MCPH1: variants seen among roughly 807,000 people sequenced by gnomAD.
MCPH1 encodes microcephalin 1.
In MCPH1, 104 loss-of-function variants were observed where a neutral mutation model predicts 84.5. The observed-to-expected ratio is 1.23, with a 90% CI of 1.05 to 1.45. MCPH1 has a LOEUF of 1.45. MCPH1 is among the 40% of genes most tolerant of loss of function. MCPH1 has a pLI of 0.00. For synonymous variants in MCPH1, 514 were observed against 366.8 expected (o/e 1.40, Z -4.58); for missense variants, 1,498 against 1,005.7 (o/e 1.49, Z -6.62).
At chr8:6,477,737 C>G (rs1322620986) in intron 10 of MCPH1, 106 bp downstream of exon 10, 4 of 845,478 alleles carry the variant, frequency 4.7e-6, no homozygotes, top group South Asian at 4.3e-5. Flanking sequence ...TCCTGTATCA[C>G]TTTTACTTTA....
chr8:6,408,306 T>A (rs1798028322), intron 1 of MCPH1, among the ~76,000 whole-genome samples: 1 of 152,050 alleles, frequency 6.6e-6, no homozygotes, highest in Non-Finnish European at 1.5e-5. Flanking sequence ...ACATAATAGC[T>A]CAAGCAATTC....
At chr8:6,515,908 C>T (rs1816178763) in intron 12 of MCPH1, among the ~76,000 whole-genome samples, 1 of 152,172 alleles carries the variant, frequency 6.6e-6, no homozygotes, top group South Asian at 2.1e-4. Context: ...TATTCCTGTT[C>T]TTTCATTTCC....
At chr8:6,624,992 C>T (rs1189475909) in intron 13 of MCPH1, 1 of 547,206 alleles carries the variant, frequency 1.8e-6, no homozygotes, top group Non-Finnish European at 2.3e-6. Context: ...TCTTCTGCCT[C>T]AGCCTTCCCA....
At chr8:6,482,921 G>A (rs904467774) in intron 11 of MCPH1, among the ~76,000 whole-genome samples, 1 of 152,192 alleles carries the variant, frequency 6.6e-6, no homozygotes, top group South Asian at 2.1e-4. Context: ...TGAGGTACAA[G>A]GCAATCAGAC....
chr8:6,514,144 T>C (rs571904227), intron 12 of MCPH1, among the ~76,000 whole-genome samples: 1 of 152,266 alleles, frequency 6.6e-6, no homozygotes, highest in East Asian at 1.9e-4. Flanking sequence ...CATTAAACAG[T>C]CGGCTTACCA....
intron 13 of MCPH1, chr8:6,625,942 C>T (rs1333677754): frequency 1.0e-6 from 1 of 977,656 alleles, no homozygotes; most frequent in Non-Finnish European, 1.2e-6. Context: ...CTTTTCCTTT[C>T]TTTATTATTA....
At chr8:6,633,867 C>A (rs886594671) in intron 13 of MCPH1, among the ~76,000 whole-genome samples, 1 of 152,182 alleles carries the variant, frequency 6.6e-6, no homozygotes, top group Non-Finnish European at 1.5e-5. Flanking sequence ...GCAGATCCCC[C>A]TATGTGTAAC....
Position 6,456,278 on chromosome 8 carries a change from C to T in MCPH1, c.1935+1026C>T, listed in dbSNP as rs17076971. On this transcript the variant is annotated intron_variant, in intron 9 of 13. Transcript: ENST00000344683. ...TTGTGGCGTGGGCAACACCAAGGCA[C>T]CTGCTCTACAATGGCGTTGCGCACT... Among the ~76,000 whole-genome samples, 1,190 of 152,264 alleles carry T rather than the reference C, an allele frequency of 7.8e-3. 19 individuals are homozygous for T. Among genetic ancestry groups the T allele is most frequent in the African/African-American group, 0.027 (1,109 of 41,540 alleles).
At chr8:6,406,876 G>A (rs545191199) in intron 1 of MCPH1, among the ~76,000 whole-genome samples, 187 bp downstream of exon 1, 1 of 5,732 alleles carries the variant, frequency 1.7e-4, no homozygotes, top group African/African-American at 4.1e-4. Context: ...CCCTGCTCCT[G>A]CTCTCTCCCC....
chr8:6,490,403 G>T (rs1031445068), intron 11 of MCPH1, among the ~76,000 whole-genome samples: 7 of 152,122 alleles, frequency 4.6e-5, no homozygotes, highest in African/African-American at 1.7e-4. Context: ...TGGGGACATT[G>T]TTAACAATCT....
intron 11 of MCPH1, among the ~76,000 whole-genome samples, chr8:6,497,959 A>G (rs1005031548): frequency 1.3e-4 from 20 of 152,272 alleles, no homozygotes; most frequent in African/African-American, 3.9e-4. Context: ...AGAACTCTCA[A>G]TGCTCTCACT....
chr8:6,480,871 G>C lies in MCPH1; in HGVS notation c.2131G>C (p.Asp711His). 1.9e-6 allele frequency: 3 copies of C among 1,614,016 alleles called. No individual in the cohort carries two copies. The highest frequency in any genetic ancestry group is 2.5e-6 in the Non-Finnish European group (3 of 1,180,040). The change falls in exon 11 of 14, where the codon GAT becomes CAT. Residue 711 changes from aspartate to histidine, a missense_variant. Asp to His is a moderately conservative substitution (Grantham distance 81). Coordinates refer to ENST00000344683, the MANE Select transcript of MCPH1 (RefSeq NM_024596.5). ...GCGTGGCTGCTGGGTTCTCTCTTAT[G>C]ATTGGGTAAGCCCTGTGTGTGAACT... ...IARGCWVLSY[D>H]WVLWSLELGH... is the part of the protein sequence containing the mutation.
chr8:6,520,850 T>A lies in MCPH1; in HGVS notation c.2214+20921T>A, dbSNP rs766958139. ...AATGGCCATCCCATGGGTCTGATAT[T>A]ATTTTTCCCATGTAAAACCTAAATA... On this transcript the variant is annotated intron_variant, in intron 12 of 13. Coordinates refer to ENST00000344683, the MANE Select transcript of MCPH1 (RefSeq NM_024596.5). 3.9e-5 allele frequency among the ~76,000 whole-genome samples: 6 copies of A among 152,222 alleles called. No individual in the cohort carries two copies. In the South Asian group the frequency reaches 1.2e-3, roughly 32 times the overall value.
chr8:6,554,664 C>CA (rs1824275006), intron 12 of MCPH1, among the ~76,000 whole-genome samples: 1 of 151,960 alleles, frequency 6.6e-6, no homozygotes, highest in African/African-American at 2.4e-5. Context: ...GTAAAGATTC[C>CA]AAAAATAATT....
chr8:6,505,718 T>G (rs1204146381), intron 12 of MCPH1, among the ~76,000 whole-genome samples: 1 of 86,806 alleles, frequency 1.2e-5, no homozygotes, highest in African/African-American at 3.0e-5. Context: ...CGTATATATA[T>G]TCTATATATA....
chr8:6,461,061 A>G (rs1428659197), intron 9 of MCPH1, among the ~76,000 whole-genome samples: 3 of 152,180 alleles, frequency 2.0e-5, no homozygotes, highest in Admixed American at 6.6e-5. Context: ...CTCAAGAGAA[A>G]TGATTTTTGA....
chr8:6,536,827 T>G (rs1394019046), intron 12 of MCPH1, among the ~76,000 whole-genome samples: 2 of 152,118 alleles, frequency 1.3e-5, no homozygotes, highest in Non-Finnish European at 2.9e-5. Flanking sequence ...CTTGATGAAT[T>G]AGTTATTTTC....
intron 10 of MCPH1, among the ~76,000 whole-genome samples, chr8:6,479,066 A>T (rs1808842817): frequency 6.6e-6 from 1 of 152,174 alleles, no homozygotes; most frequent in African/African-American, 2.4e-5. Flanking sequence ...GGAGTTCAAG[A>T]CCAGCCTGGG....
At position 6,648,074 on chromosome 8, in the gene MCPH1, G is replaced by T. The variant is rs1052700344; in HGVS notation, c.*5025G>T. ...ACCTGCATCTGGTAGTTCATTTAAG[G>T]TCGGCCTTGGCTTTCAAGTTAAGGC... On this transcript the variant is annotated 3_prime_UTR_variant, in exon 14 of 14. Coordinates refer to ENST00000344683, the MANE Select transcript of MCPH1 (RefSeq NM_024596.5). 2.0e-5 allele frequency: 3 copies of T among 152,184 alleles called. No individual in the cohort carries two copies. The highest frequency in any genetic ancestry group is 7.2e-5 in the African/African-American group (3 of 41,418). 9.4% of individuals were successfully genotyped at this position (152,184 alleles called of 1,614,324 possible).
Sources: allele counts gnomAD v4.1 joint callset (sites outside exome capture counted in the v4.1 genomes callset), GRCh38; gene constraint gnomAD v4.1.1; transcripts MANE v1.5; gene names NCBI Gene and HGNC (gene_info 2026-07-23, HGNC 2026-07-21).